ATP8A2: variants seen among roughly 807,000 people sequenced by gnomAD.
ATP8A2 encodes the protein phospholipid-transporting ATPase IB.
Under a neutral mutation model 165.6 loss-of-function variants are expected in ATP8A2, and 100 were observed. The observed-to-expected ratio is 0.60, with a 90% confidence interval of 0.51 to 0.71. ATP8A2 has a LOEUF of 0.71. Among genes scored for constraint, ATP8A2 ranks in the 30% least tolerant of loss-of-function variants. ATP8A2 has a pLI of 0.00. For missense variants in ATP8A2, 1,227 were observed against 1,479.5 expected (o/e 0.83, Z 2.80); for synonymous variants, 543 against 548.8 (o/e 0.99, Z 0.15).
intron 1 of ATP8A2, among the ~76,000 whole-genome samples, chr13:25,446,759 A>G (rs966826809): frequency 6.6e-6 from 1 of 152,250 alleles, no homozygotes; most frequent in African/African-American, 2.4e-5. Context: ...TTTGCTAAGC[A>G]GAAAAGAATA....
chr13:25,533,681 A>G (rs529438780), intron 6 of ATP8A2, among the ~76,000 whole-genome samples: 2 of 152,308 alleles, frequency 1.3e-5, no homozygotes, highest in South Asian at 2.1e-4. Context: ...AAGGTCATTA[A>G]CTACAGAGTG....
intron 33 of ATP8A2, among the ~76,000 whole-genome samples, chr13:25,952,087 C>A (rs183887558): frequency 6.6e-6 from 1 of 152,086 alleles, no homozygotes; most frequent in Non-Finnish European, 1.5e-5. Flanking sequence ...GCTGTGGGAT[C>A]GCTTCATTGT....
chr13:25,595,325 T>C (rs368608167), intron 24 of ATP8A2, among the ~76,000 whole-genome samples: 2 of 152,346 alleles, frequency 1.3e-5, no homozygotes, highest in Admixed American at 6.5e-5. Flanking sequence ...CAGTCACTGA[T>C]GGAATGGCTA....
At chr13:25,924,509 A>G (rs1166040138) in intron 33 of ATP8A2, among the ~76,000 whole-genome samples, 1 of 152,086 alleles carries the variant, frequency 6.6e-6, no homozygotes, top group East Asian at 1.9e-4. Flanking sequence ...TGCCCTTTTT[A>G]TAAGGACATG....
At chr13:25,804,825 C>T (rs983616691) in intron 27 of ATP8A2, among the ~76,000 whole-genome samples, 5 of 152,186 alleles carry the variant, frequency 3.3e-5, no homozygotes, top group African/African-American at 1.2e-4. Flanking sequence ...AGTCTCTGCC[C>T]AAGGGGACTT....
chr13:25,952,766 C>T (rs956618552), intron 33 of ATP8A2, among the ~76,000 whole-genome samples: 2 of 152,192 alleles, frequency 1.3e-5, no homozygotes, highest in African/African-American at 2.4e-5. Flanking sequence ...GAGCTCAGCA[C>T]ACCTGCACCT....
intron 35 of ATP8A2, among the ~76,000 whole-genome samples, chr13:25,980,791 AGT>A (rs2139254988): frequency 6.6e-6 from 1 of 152,274 alleles, no homozygotes; most frequent in East Asian, 1.9e-4. Flanking sequence ...GGATCACCTG[AGT>A]CCAGGAGTTT....
intron 24 of ATP8A2, among the ~76,000 whole-genome samples, chr13:25,635,392 G>A (rs1031279986): frequency 6.6e-6 from 1 of 152,188 alleles, no homozygotes; most frequent in African/African-American, 2.4e-5. Context: ...ACTGCAGGCT[G>A]TGTAAATGAA....
intron 27 of ATP8A2, among the ~76,000 whole-genome samples, chr13:25,776,714 G>A (rs1227207631): frequency 6.6e-6 from 1 of 152,158 alleles, no homozygotes; most frequent in Non-Finnish European, 1.5e-5. Context: ...AAGAGGTATC[G>A]TAGGGTCATG....
At chr13:25,618,163 C>G (rs2040874455) in intron 24 of ATP8A2, among the ~76,000 whole-genome samples, 1 of 152,208 alleles carries the variant, frequency 6.6e-6, no homozygotes, top group East Asian at 1.9e-4. Flanking sequence ...ACATGTTATA[C>G]CTGATACTGT....
chr13:25,420,765 T>A (rs1018467271), intron 1 of ATP8A2, among the ~76,000 whole-genome samples: 2 of 152,186 alleles, frequency 1.3e-5, no homozygotes, highest in East Asian at 3.8e-4. Flanking sequence ...CTATAAATAT[T>A]TCCGGAATAT....
chr13:25,501,010 A>G (rs1344302672), intron 2 of ATP8A2, among the ~76,000 whole-genome samples: 2 of 152,164 alleles, frequency 1.3e-5, no homozygotes, highest in Non-Finnish European at 2.9e-5. Context: ...TTGAATGCCT[A>G]TCTTCTTCAA....
chr13:25,682,372 T>C (rs2042509767), intron 24 of ATP8A2, among the ~76,000 whole-genome samples: 1 of 152,132 alleles, frequency 6.6e-6, no homozygotes, highest in African/African-American at 2.4e-5. Flanking sequence ...GGGACTTCAG[T>C]CACCTTCCAG....
At chr13:25,540,481 G>C (rs2038437254) in intron 8 of ATP8A2, 93 bp downstream of exon 8, 2 of 923,448 alleles carry the variant, frequency 2.2e-6, no homozygotes, top group Non-Finnish European at 3.5e-6. Flanking sequence ...AAAATATTCA[G>C]CCACAAAGGG....
chr13:25,716,257 A>T (rs901982788), intron 25 of ATP8A2, among the ~76,000 whole-genome samples: 1 of 152,082 alleles, frequency 6.6e-6, no homozygotes, highest in African/African-American at 2.4e-5. Flanking sequence ...TTTGCAAAAA[A>T]TTTTTTCTAA....
intron 30 of ATP8A2, among the ~76,000 whole-genome samples, chr13:25,859,713 C>T (rs984791473): frequency 6.6e-6 from 1 of 152,046 alleles, no homozygotes; most frequent in Non-Finnish European, 1.5e-5. Context: ...TAATAAATAC[C>T]CCCAAAATTC....
chr13:25,591,937 T>G (rs2040092843), intron 24 of ATP8A2, among the ~76,000 whole-genome samples: 1 of 152,178 alleles, frequency 6.6e-6, no homozygotes, highest in African/African-American at 2.4e-5. Flanking sequence ...AATTTTACAT[T>G]TCACTTTTTG....
intron 30 of ATP8A2, among the ~76,000 whole-genome samples, chr13:25,858,005 A>G (rs1338750065): frequency 1.3e-5 from 2 of 152,216 alleles, no homozygotes; most frequent in African/African-American, 4.8e-5. Flanking sequence ...TTTTCATAAT[A>G]GTGCCTGGCA....
chr13:25,814,849 C>T (rs1280533058), intron 27 of ATP8A2, among the ~76,000 whole-genome samples: 1 of 152,018 alleles, frequency 6.6e-6, no homozygotes, highest in Non-Finnish European at 1.5e-5. Context: ...AATCCCATCT[C>T]TACCAAATAA....
Sources: allele counts gnomAD v4.1 joint callset (sites outside exome capture counted in the v4.1 genomes callset), GRCh38; gene constraint gnomAD v4.1.1; transcripts MANE v1.5; gene names NCBI Gene and HGNC (gene_info 2026-07-23, HGNC 2026-07-21).